Variants in DOK1 observed in about 807,000 individuals in gnomAD.
DOK1 encodes the protein docking protein 1.
In DOK1, 12 loss-of-function variants were observed where a neutral mutation model predicts 24.0. The observed-to-expected ratio is 0.50, with a 90% confidence interval of 0.32 to 0.81. DOK1 has a LOEUF of 0.81. Ranked by LOEUF, DOK1 falls within the 30% of genes least tolerant of loss-of-function variation. The probability of loss-of-function intolerance (pLI) is 0.03; values close to 1 mark genes in which losing one functional copy is unlikely to be tolerated. For missense variants in DOK1, 591 were observed against 620.7 expected (o/e 0.95, Z 0.51); for synonymous variants, 250 against 260.9 (o/e 0.96, Z 0.40).
chr2:74,552,013 G>T (rs558885262), upstream of DOK1, among the ~76,000 whole-genome samples: 21 of 152,334 alleles, frequency 1.4e-4, no homozygotes, highest in East Asian at 3.9e-4. Flanking sequence ...TTTGTACAGG[G>T]CTCACCTGTA....
upstream of DOK1, among the ~76,000 whole-genome samples, chr2:74,550,669 C>T (rs749737767): frequency 6.6e-6 from 1 of 152,154 alleles, no homozygotes; most frequent in Non-Finnish European, 1.5e-5. Flanking sequence ...CTACTGTGTG[C>T]CAGGTGCTCT....
chr2:74,553,486 C>A (rs561856918), upstream of DOK1, among the ~76,000 whole-genome samples: 1 of 152,214 alleles, frequency 6.6e-6, no homozygotes, highest in Non-Finnish European at 1.5e-5. Flanking sequence ...AACGGGAGGC[C>A]AGGCGCTATG....
At chr2:74,554,395 C>CG, upstream of DOK1, 1 of 258,654 alleles carries the variant, frequency 3.9e-6, no homozygotes, top group Non-Finnish European at 7.4e-6. This position sits in a 1 kb window ranked among gnomAD's most constrained non-coding sequence, Gnocchi z 4.9. Context: ...CTCTCCGGTG[C>CG]CCGGGGCGCT....
At chr2:74,554,642 G>T (rs1032239237), upstream of DOK1, 5 of 1,021,492 alleles carry the variant, frequency 4.9e-6, no homozygotes, top group Middle Eastern at 6.2e-4. The surrounding 1 kb of genome is among the most constrained non-coding windows in gnomAD (Gnocchi z 4.9). Flanking sequence ...CCCCCCCAGC[G>T]GCTGCCGGCG....
At position 74,555,417 on chromosome 2, in the gene DOK1, A is replaced by G. The variant is rs1404246132; in HGVS notation, c.324A>G (p.Ala108=). The G allele has an allele frequency of 3.4e-5, 55 of 1,611,132 alleles. No homozygotes were observed. The highest frequency in any genetic ancestry group is 4.7e-5 in the Non-Finnish European group (55 of 1,179,342). The change falls in exon 2 of 5, where the codon GCA becomes GCG. Residue 108 remains alanine (A), a synonymous_variant. Coordinates refer to ENST00000233668, the MANE Select transcript of DOK1 (RefSeq NM_001381.5). This position sits in a 1 kb window ranked among gnomAD's most constrained non-coding sequence, Gnocchi z 6.1. ...TGGCGGCCGACGCGCCGTCCAGTGCAGCCTGGGTGCAGACGCTGTGCCGAA... is the reference window on the plus strand; with the variant it reads ...TGGCGGCCGACGCGCCGTCCAGTGCGGCCTGGGTGCAGACGCTGTGCCGAA... The part of the protein sequence containing the change: ...HLLAADAPSS[A]AWVQTLCRNA...
chr2:74,552,806 G>A (rs1677104532), upstream of DOK1: 13 of 639,326 alleles, frequency 2.0e-5, no homozygotes, highest in Non-Finnish European at 3.4e-5. Context: ...CAAGAGACAG[G>A]GAGAGAAACA....
At position 74,556,700 on chromosome 2, in the gene DOK1, G is replaced by A. The variant is rs769483394; in HGVS notation, c.1032G>A (p.Ala344=). 6.8e-6 allele frequency: 11 copies of A among 1,614,126 alleles called. No individual in the cohort carries two copies. Among genetic ancestry groups the A allele is most frequent in the South Asian group, 3.3e-5 (3 of 91,094 alleles). ...TCTATTGGGACTTGTATGAGCATGC[G>A]CAGCAGCAGTTGCTGAAGGCCAAGC... ...KPLYWDLYEH[A]QQQLLKAKLT... Residue 344 remains alanine, a synonymous_variant, in exon 5 of 5, where the codon GCG becomes GCA. Transcript: ENST00000233668. The surrounding 1 kb of genome is among the most constrained non-coding windows in gnomAD (Gnocchi z 4.1).
At chr2:74,553,683 G>A (rs1257217596), upstream of DOK1, among the ~76,000 whole-genome samples, 1 of 152,118 alleles carries the variant, frequency 6.6e-6, no homozygotes, top group Non-Finnish European at 1.5e-5. Context: ...GGCCCTGTTC[G>A]AACACCCGTA....
At position 74,557,041 on chromosome 2, in the gene DOK1, CAG is replaced by C; in HGVS notation, c.1374_1375del (p.Gly459GlufsTer8). The C allele has an allele frequency of 6.2e-7, 1 of 1,614,182 alleles. No homozygotes were observed. The highest frequency in any genetic ancestry group is 8.5e-7 in the Non-Finnish European group (1 of 1,180,040). ...AGCCAGGTCCAGAAGAGCGGGGCCT[CAG>C]GGAGCTGGGACTGTGGGCTCTCTAG... is the stretch of plus-strand genomic sequence containing the variant. On this transcript the variant is annotated frameshift_variant, in exon 5 of 5. Transcript: ENST00000233668. LOFTEE classifies it high-confidence loss of function.
rs1195770949 is a variant in DOK1 at position 74,554,960 on chromosome 2, C to T, written c.60+146C>T. On this transcript the variant is annotated intron_variant, in intron 1 of 4. Transcript: ENST00000233668. The surrounding 1 kb of genome is among the most constrained non-coding windows in gnomAD (Gnocchi z 4.9). ...TTCCCGTGAAGTTGCTTTGCACACTCCCGGGAAGCGTCTGTAGTCTAGGGG... is the reference window on the plus strand; with the variant it reads ...TTCCCGTGAAGTTGCTTTGCACACTTCCGGGAAGCGTCTGTAGTCTAGGGG... 2.1e-6 allele frequency: 3 copies of T among 1,451,164 alleles called. No individual in the cohort carries two copies. The highest frequency in any genetic ancestry group is 2.8e-6 in the Non-Finnish European group (3 of 1,059,282). The allele number at this position is 1,451,164 out of a possible 1,614,324, so 89.9% of individuals were successfully genotyped here.
upstream of DOK1, among the ~76,000 whole-genome samples, chr2:74,552,036 T>A (rs530955890): frequency 5.9e-5 from 9 of 152,378 alleles, no homozygotes; most frequent in African/African-American, 2.2e-4. Flanking sequence ...TGGGCTGTTT[T>A]GTGGATGGCT....
At chr2:74,550,370 GAC>G (rs985816379), upstream of DOK1, 17 of 1,608,660 alleles carry the variant, frequency 1.1e-5, no homozygotes, top group Non-Finnish European at 1.2e-5. Flanking sequence ...GAGATGAAGG[GAC>G]AGAGAAGCTT....
upstream of DOK1, chr2:74,550,220 G>A (rs373321712): frequency 4.0e-5 from 65 of 1,613,962 alleles, no homozygotes; most frequent in Non-Finnish European, 5.3e-5. Flanking sequence ...CCAGGGAGGC[G>A]CTGGTCTTTG....
rs988060405 is a variant in DOK1 at position 74,554,987 on chromosome 2, T to C, written c.61-167T>C. 4.3e-6 allele frequency: 6 copies of C among 1,396,394 alleles called. No homozygotes were observed. Among genetic ancestry groups the C allele is most frequent in the Admixed American group, 4.0e-5 (2 of 50,006 alleles). The allele number at this position is 1,396,394 out of a possible 1,614,324, so 86.5% of individuals were successfully genotyped here. A position where few individuals can be genotyped will look rare whatever the true frequency, so the allele number is the denominator to read the frequency against. On this transcript the variant is annotated intron_variant, in intron 1 of 4. Transcript: ENST00000233668. The surrounding 1 kb of genome is among the most constrained non-coding windows in gnomAD (Gnocchi z 4.9). ...CGGGAAGCGTCTGTAGTCTAGGGGT[T>C]CTGGTCCTGGGGAGACGGAGTGGCA...
upstream of DOK1, chr2:74,554,624 C>A: frequency 2.4e-6 from 2 of 824,124 alleles, no homozygotes; most frequent in Non-Finnish European, 3.8e-6. The surrounding 1 kb of genome is among the most constrained non-coding windows in gnomAD (Gnocchi z 4.9). Flanking sequence ...TCCCTCACCC[C>A]ACCGCGACCC....
At chr2:74,552,549 G>A (rs1028685948), upstream of DOK1, 3 of 1,612,176 alleles carry the variant, frequency 1.9e-6, no homozygotes, top group Admixed American at 1.7e-5. Flanking sequence ...GCCCGTGGAA[G>A]GGGACGGAGA....
At position 74,555,701 on chromosome 2, in the gene DOK1, G is replaced by A. The variant is rs768075705; in HGVS notation, c.454+33G>A. 10 of 1,613,082 alleles carry A rather than the reference G, an allele frequency of 6.2e-6. No individual in the cohort carries two copies. The highest frequency in any genetic ancestry group is 8.5e-6 in the Non-Finnish European group (10 of 1,179,714). On this transcript the variant is annotated intron_variant, in intron 3 of 4. Transcript: ENST00000233668. This position sits in a 1 kb window ranked among gnomAD's most constrained non-coding sequence, Gnocchi z 6.1. ...CCTCAGAAGCCCGGGCAGGGATGGA[G>A]TGAAGAGGAGGAGGGCCGAGGGCCT...
rs145065415 is a variant in DOK1 at position 74,555,216 on chromosome 2, G to A, written c.123G>A (p.Glu41=). ...GTCCCCACGGCGTAGCGCGGCTCGAGTTCTTTGACCATAAGGGGTCGAGCT... is the reference window on the plus strand; with the variant it reads ...GTCCCCACGGCGTAGCGCGGCTCGAATTCTTTGACCATAAGGGGTCGAGCT... ...PASPHGVARL[E]FFDHKGSSSG... Residue 41 remains glutamate, a synonymous_variant, in exon 2 of 5, where the codon GAG becomes GAA. Coordinates refer to ENST00000233668, the MANE Select transcript of DOK1 (RefSeq NM_001381.5). The surrounding 1 kb of genome is among the most constrained non-coding windows in gnomAD (Gnocchi z 6.1). 76 of 1,613,566 alleles carry A rather than the reference G, an allele frequency of 4.7e-5. No homozygotes were observed. The highest frequency in any genetic ancestry group is 3.6e-4 in the South Asian group (33 of 91,090).
upstream of DOK1, chr2:74,554,539 C>T: frequency 1.7e-6 from 1 of 576,336 alleles, no homozygotes; most frequent in Non-Finnish European, 3.1e-6. The surrounding 1 kb of genome is among the most constrained non-coding windows in gnomAD (Gnocchi z 4.9). Flanking sequence ...CGCGCCCCCA[C>T]GACGGCGGGT....
Sources: gnomAD v4.1 joint callset for allele counts (sites outside exome capture counted in the v4.1 genomes callset) on GRCh38, gnomAD v4.1.1 for gene constraint, Gnocchi (gnomAD v3.1) non-coding constraint, MANE v1.5 for transcripts, NCBI Gene and HGNC (gene_info 2026-07-23, HGNC 2026-07-21) for gene names.